Variants in HPD observed in about 807,000 individuals in gnomAD.
The protein encoded by HPD is 4-hydroxyphenylpyruvic acid oxidase.
In HPD, 35 loss-of-function variants were observed where a neutral mutation model predicts 56.9. That is an observed-to-expected ratio of 0.62 (90% CI 0.47 to 0.82). HPD has a LOEUF of 0.82. Among genes scored for constraint, HPD ranks in the 40% least tolerant of loss-of-function variants. The pLI is 0.00. For missense variants in HPD, 442 were observed against 506.8 expected (o/e 0.87, Z 1.23); for synonymous variants, 186 against 200.2 (o/e 0.93, Z 0.60).
intron 5 of HPD, 77 bp downstream of exon 5, chr12:121,856,506 C>T (rs1324907804): frequency 6.3e-6 from 10 of 1,596,358 alleles, no homozygotes; most frequent in East Asian, 2.2e-5. Context: ...AGCCCACCCA[C>T]GGAGCCATGC....
At chr12:121,874,143 A>C in the HPD span, 1 of 152,192 alleles carries the variant, frequency 6.6e-6, no homozygotes, top group Non-Finnish European at 1.5e-5. Flanking sequence ...ACGGCTAAGC[A>C]CTGTGCCCAT....
chr12:121,856,682 C>T, intron 4 of HPD, 57 bp from the exon 5 acceptor site: 1 of 1,550,646 alleles, frequency 6.4e-7, no homozygotes, highest in Non-Finnish European at 8.9e-7. Flanking sequence ...TGGGGAGGTG[C>T]ACCCATCGGC....
intron 7 of HPD, among the ~76,000 whole-genome samples, chr12:121,853,231 T>C (rs1416217978): frequency 6.6e-6 from 1 of 152,058 alleles, no homozygotes; most frequent in Non-Finnish European, 1.5e-5. Context: ...GATGCCGGGC[T>C]TAATACCTAG....
At chr12:121,865,299 C>T (rs542129620), upstream of HPD, among the ~76,000 whole-genome samples, 12 of 151,516 alleles carry the variant, frequency 7.9e-5, no homozygotes, top group South Asian at 1.5e-3. Context: ...GACAGAGTTT[C>T]GCTTTTGTTG....
chr12:121,860,305 G>T (rs1288773281), upstream of HPD, among the ~76,000 whole-genome samples: 4 of 152,140 alleles, frequency 2.6e-5, no homozygotes. Flanking sequence ...TTGTCACTTT[G>T]ATTGCTGTGG....
chr12:121,878,701 T>G, the HPD span, among the ~76,000 whole-genome samples: 6 of 151,160 alleles, frequency 4.0e-5, no homozygotes, highest in South Asian at 8.4e-4. Flanking sequence ...TGAGACAGGT[T>G]CTCACTCTGT....
chr12:121,844,943 G>C (rs1877528196), intron 11 of HPD, among the ~76,000 whole-genome samples: 1 of 151,412 alleles, frequency 6.6e-6, no homozygotes, highest in African/African-American at 2.4e-5. Context: ...AGTTATCCAG[G>C]CGTGGTGTCA....
upstream of HPD, chr12:121,859,252 G>A (rs1380076473): frequency 1.3e-5 from 4 of 312,880 alleles, no homozygotes; most frequent in East Asian, 7.8e-5. Context: ...GCGTCACAGC[G>A]TTGTATTCCA....
intron 11 of HPD, among the ~76,000 whole-genome samples, chr12:121,845,652 T>C (rs1877560408): frequency 6.7e-6 from 1 of 149,834 alleles, no homozygotes; most frequent in Non-Finnish European, 1.5e-5. Context: ...CCCACGTTGG[T>C]CTTGAACTTC....
At chr12:121,881,432 C>T in the HPD span, among the ~76,000 whole-genome samples, 1 of 152,094 alleles carries the variant, frequency 6.6e-6, no homozygotes, top group Non-Finnish European at 1.5e-5. Context: ...TGGCTTCCTC[C>T]CTGCCAGACG....
At chr12:121,885,994 C>T in the HPD span, among the ~76,000 whole-genome samples, 42 of 150,918 alleles carry the variant, frequency 2.8e-4, 1 homozygote, top group African/African-American at 9.9e-4. Flanking sequence ...AAGGTTTCAG[C>T]ATGTTGGCCA....
rs541383546 is a variant in HPD at position 121,849,071 on chromosome 12, T to C, written c.524A>G (p.Lys175Arg). 5.6e-6 allele frequency: 9 copies of C among 1,613,646 alleles called. No individual in the cohort carries two copies. Among genetic ancestry groups the C allele is most frequent in the Non-Finnish European group, 6.8e-6 (8 of 1,179,642 alleles). Residue 175 changes from lysine to arginine, a missense_variant, in exon 9 of 14, where the codon AAA becomes AGA. Transcript: ENST00000289004. Reference protein sequence around the residue: ...FMDPLLPKLPKCSLEMIDHIV... With the variant: ...FMDPLLPKLPRCSLEMIDHIV... ...GTGGTCGATCATCTCCAGACTGCATTTGGGCCTGGGAAGGGAAGAAGATGG... is the reference window on the plus strand; with the variant it reads ...GTGGTCGATCATCTCCAGACTGCATCTGGGCCTGGGAAGGGAAGAAGATGG...
Position 121,839,912 on chromosome 12 carries a change from C to T in HPD, c.1071+20G>A. The T allele has an allele frequency of 1.2e-6, 2 of 1,609,550 alleles. No homozygotes were observed. The highest frequency in any genetic ancestry group is 1.7e-6 in the Non-Finnish European group (2 of 1,175,832). On this transcript the variant is annotated intron_variant, in intron 13 of 13. Transcript: ENST00000289004. The stretch of plus-strand genomic sequence containing the variant: ...GTGCTAGCTGCCTGTCCCCTCGGGC[C>T]TGCCGGGGACAAGCAGTACCTGGTG...
chr12:121,852,622 C>CTTTTTTTTTTT (rs1176954964), intron 7 of HPD, among the ~76,000 whole-genome samples: 7 of 70,482 alleles, frequency 9.9e-5, no homozygotes, highest in African/African-American at 4.3e-4. Context: ...TCATTGGATC[C>CTTTTTTTTTTT]TTTTTTTTTT....
At chr12:121,861,547 G>C (rs1321471747), upstream of HPD, among the ~76,000 whole-genome samples, 1 of 151,854 alleles carries the variant, frequency 6.6e-6, no homozygotes, top group African/African-American at 2.4e-5. Context: ...AATGGAACAA[G>C]TCTCAGTTAC....
upstream of HPD, among the ~76,000 whole-genome samples, chr12:121,863,370 G>A (rs1353391718): frequency 6.6e-6 from 1 of 152,218 alleles, no homozygotes; most frequent in African/African-American, 2.4e-5. Flanking sequence ...CACAGGGACC[G>A]TGATCCTTCC....
At chr12:121,850,836 C>G (rs932486825) in intron 7 of HPD, among the ~76,000 whole-genome samples, 4 of 150,256 alleles carry the variant, frequency 2.7e-5, no homozygotes, top group African/African-American at 9.8e-5. Context: ...ATAGCTGGGA[C>G]TACAAGCACG....
the HPD span, among the ~76,000 whole-genome samples, chr12:121,884,782 T>G: frequency 6.6e-6 from 1 of 152,106 alleles, no homozygotes; most frequent in South Asian, 2.1e-4. Flanking sequence ...CACCAATTAT[T>G]TACATTTTGT....
chr12:121,878,997 C>G, the HPD span, among the ~76,000 whole-genome samples: 4 of 151,282 alleles, frequency 2.6e-5, no homozygotes, highest in Non-Finnish European at 5.9e-5. Flanking sequence ...TAATACATAA[C>G]TTATAGGCCG....
Sources: gnomAD v4.1 joint callset for allele counts (sites outside exome capture counted in the v4.1 genomes callset) on GRCh38, gnomAD v4.1.1 for gene constraint, MANE v1.5 for transcripts, NCBI Gene and HGNC (gene_info 2026-07-23, HGNC 2026-07-21) for gene names.